ZNF469: variants seen among roughly 807,000 people sequenced by gnomAD.
ZNF469 encodes zinc finger protein 469.
Under a neutral mutation model 1.0 loss-of-function variants are expected in ZNF469, and 1 was observed. The observed-to-expected ratio is 1.00, with a 90% CI of 0.35 to 4.73. The LOEUF is 4.73. Ranked by LOEUF, ZNF469 falls within the 30% of genes most tolerant of loss-of-function variation. ZNF469 has a pLI of 0.16. For synonymous variants in ZNF469, 2,703 were observed against 2,363.4 expected, an observed-to-expected ratio of 1.14 and a Z score of -4.17; for missense variants, 6,100 against 5,356.3, an observed-to-expected ratio of 1.14 and a Z score of -4.33.
At position 88,438,440 on chromosome 16, in the gene ZNF469, C is replaced by T. The variant is rs1234737374; in HGVS notation, c.10970C>T (p.Ser3657Phe). 1 of 1,550,128 alleles carries T rather than the reference C, an allele frequency of 6.5e-7. No homozygotes were observed. Among genetic ancestry groups the T allele is most frequent in the East Asian group, 2.4e-5 (1 of 40,918 alleles). Residue 3657 changes from serine to phenylalanine, a missense_variant, in exon 3 of 3, where the codon TCT becomes TTT. Ser to Phe is a radical substitution (Grantham distance 155, BLOSUM62 -2). Coordinates refer to ENST00000565624, the MANE Select transcript of ZNF469 (RefSeq NM_001367624.2). ...GAGGTGTCCTCAAGCCACATGGTGT[C>T]TGAGGGGGGGCCCCGAGGCGCCTTC... ...EKEVSSSHMV[S>F]EGGPRGAFHK...
At chr16:88,239,583 G>A in the ZNF469 span, among the ~76,000 whole-genome samples, 1 of 146,072 alleles carries the variant, frequency 6.8e-6, no homozygotes, top group African/African-American at 2.5e-5. Context: ...CGCCTCCCAG[G>A]TTCACGCCAT....
the ZNF469 span, among the ~76,000 whole-genome samples, chr16:88,193,094 T>A: frequency 7.6e-6 from 1 of 132,290 alleles, no homozygotes; most frequent in Non-Finnish European, 1.6e-5. Flanking sequence ...GTGGTGGTGA[T>A]GGTGTTGATG....
chr16:88,113,000 G>C, the ZNF469 span, among the ~76,000 whole-genome samples: 11,923 of 151,830 alleles, frequency 0.079, 835 homozygotes, highest in East Asian at 0.21. Flanking sequence ...GGATGGTCTC[G>C]ATCTCCTGAC....
chr16:88,145,529 T>G, the ZNF469 span, among the ~76,000 whole-genome samples: 1 of 152,264 alleles, frequency 6.6e-6, no homozygotes, highest in African/African-American at 2.4e-5. Flanking sequence ...CCGCTGTTGG[T>G]GCAGAGGTGC....
chr16:88,236,324 T>C, the ZNF469 span, among the ~76,000 whole-genome samples: 3 of 152,262 alleles, frequency 2.0e-5, no homozygotes, highest in Admixed American at 6.5e-5. Flanking sequence ...CTCCCTGTCA[T>C]GTGATGTTAT....
chr16:88,344,914 C>T, the ZNF469 span, among the ~76,000 whole-genome samples: 2 of 152,242 alleles, frequency 1.3e-5, no homozygotes, highest in East Asian at 3.8e-4. Context: ...TCTGGGATTT[C>T]CTGCAACCTT....
At chr16:88,360,033 T>G in the ZNF469 span, among the ~76,000 whole-genome samples, 1 of 152,240 alleles carries the variant, frequency 6.6e-6, no homozygotes, top group Non-Finnish European at 1.5e-5. Flanking sequence ...TTTTTTGTAT[T>G]TTTAGTAGAG....
At chr16:88,327,933 T>G in the ZNF469 span, among the ~76,000 whole-genome samples, 1 of 152,148 alleles carries the variant, frequency 6.6e-6, no homozygotes, top group African/African-American at 2.4e-5. Flanking sequence ...AGAAACACTT[T>G]CACGGCCGGG....
At chr16:88,124,592 GTT>G in the ZNF469 span, among the ~76,000 whole-genome samples, 1 of 151,504 alleles carries the variant, frequency 6.6e-6, no homozygotes, top group African/African-American at 2.4e-5. Flanking sequence ...TTTGTTTTTG[GTT>G]TTTTTTTGAG....
the ZNF469 span, among the ~76,000 whole-genome samples, chr16:88,295,582 G>C: frequency 6.6e-6 from 1 of 152,168 alleles, no homozygotes; most frequent in African/African-American, 2.4e-5. Context: ...GGTGTTTGTG[G>C]GTTTTGATTA....
rs768435913 is a variant in ZNF469 at position 88,437,975 on chromosome 16, A to G, written c.10505A>G (p.Glu3502Gly). The part of the protein sequence containing the change: ...PPRGSSPILS[E>G]GSLPALLHLC... ...CGGGGAAGCAGCCCCATCCTGAGTG[A>G]GGGCTCTCTCCCGGCCCTGCTCCAC... is the stretch of plus-strand genomic sequence containing the variant. The change falls in exon 3 of 3, where the codon GAG becomes GGG. Residue 3502 changes from glutamate (E) to glycine (G), a missense_variant. Transcript: ENST00000565624. The G allele has an allele frequency of 8.4e-6, 13 of 1,547,548 alleles. No homozygotes were observed. Among genetic ancestry groups the G allele is most frequent in the Non-Finnish European group, 1.1e-5 (13 of 1,146,704 alleles).
the ZNF469 span, among the ~76,000 whole-genome samples, chr16:88,316,817 G>A: frequency 6.6e-6 from 1 of 152,084 alleles, no homozygotes; most frequent in Non-Finnish European, 1.5e-5. Context: ...AAAGTGCTGG[G>A]ATTACAGGCG....
the ZNF469 span, among the ~76,000 whole-genome samples, chr16:88,223,489 G>T: frequency 5.3e-5 from 8 of 152,278 alleles, no homozygotes; most frequent in Non-Finnish European, 1.0e-4. Context: ...CACCATGTGG[G>T]GTGTTTGCAT....
chr16:88,415,202 A>C (rs1905272596), intron 1 of ZNF469, among the ~76,000 whole-genome samples: 3 of 152,310 alleles, frequency 2.0e-5, no homozygotes, highest in South Asian at 2.1e-4. Flanking sequence ...CACCCGGAAC[A>C]TCAGGGACCC....
chr16:88,211,555 G>A, the ZNF469 span, among the ~76,000 whole-genome samples: 21 of 152,018 alleles, frequency 1.4e-4, no homozygotes, highest in African/African-American at 5.1e-4. Context: ...CAAAGACTGG[G>A]CTCTGTCATG....
chr16:88,434,328 T>A lies in ZNF469; in HGVS notation c.6858T>A (p.Thr2286=). ...CCCCCAGCGTGGCCGTCAGGGCTACTGGCCTGTCCAGCACTCCCACCGGAG... is the reference window on the plus strand; with the variant it reads ...CCCCCAGCGTGGCCGTCAGGGCTACAGGCCTGTCCAGCACTCCCACCGGAG... ...AVSPSVAVRA[T]GLSSTPTGDE... The change falls in exon 3 of 3, where the codon ACT becomes ACA. Residue 2286 remains threonine, a synonymous_variant. Transcript: ENST00000565624. 1.3e-6 allele frequency: 2 copies of A among 1,550,340 alleles called. No individual in the cohort carries two copies. Among genetic ancestry groups the A allele is most frequent in the Non-Finnish European group, 1.7e-6 (2 of 1,146,972 alleles).
At chr16:88,372,165 C>A in the ZNF469 span, among the ~76,000 whole-genome samples, 3 of 151,944 alleles carry the variant, frequency 2.0e-5, no homozygotes, top group South Asian at 6.4e-4. Context: ...TCACCATCAC[C>A]ATCATCACCA....
the ZNF469 span, among the ~76,000 whole-genome samples, chr16:88,340,686 C>A: frequency 1.4e-5 from 2 of 147,320 alleles, no homozygotes; most frequent in African/African-American, 2.5e-5. Context: ...ACAGAGGAGG[C>A]AGGTGCGTGG....
the ZNF469 span, among the ~76,000 whole-genome samples, chr16:88,231,032 A>G: frequency 2.6e-5 from 4 of 152,122 alleles, no homozygotes; most frequent in South Asian, 4.2e-4. The surrounding 1 kb of genome is among the most constrained non-coding windows in gnomAD (Gnocchi z 4.5). Flanking sequence ...CACACGGGAG[A>G]AAACCTCAGA....
Sources: gnomAD v4.1 joint callset for allele counts (sites outside exome capture counted in the v4.1 genomes callset) on GRCh38, gnomAD v4.1.1 for gene constraint, Gnocchi (gnomAD v3.1) non-coding constraint, MANE v1.5 for transcripts, NCBI Gene and HGNC (gene_info 2026-07-23, HGNC 2026-07-21) for gene names.